ATL2: variants seen among roughly 807,000 people sequenced by gnomAD.
The protein encoded by ATL2 is atlastin-2.
A neutral mutation model predicts 73.9 loss-of-function variants in ATL2; 31 were observed. That is an observed-to-expected ratio of 0.42 (90% CI 0.32 to 0.57). The LOEUF (loss-of-function observed/expected upper bound fraction) is 0.57, where lower values mean the gene tolerates loss of function less well. ATL2 is among the 20% of genes least tolerant of loss of function. ATL2 has a pLI of 0.14. For synonymous variants in ATL2, 291 were observed against 237.5 expected (o/e 1.23, Z -2.07); for missense variants, 738 against 702.6 (o/e 1.05, Z -0.57).
intron 12 of ATL2, chr2:38,296,429 C>A: frequency 6.4e-7 from 1 of 1,556,118 alleles, no homozygotes; most frequent in Non-Finnish European, 8.7e-7. Flanking sequence ...TGCTTATTGT[C>A]CTACATGTGT....
At chr2:38,328,527 C>T (rs939700635) in intron 2 of ATL2, among the ~76,000 whole-genome samples, 5 of 152,098 alleles carry the variant, frequency 3.3e-5, no homozygotes, top group African/African-American at 1.2e-4. Flanking sequence ...AACAGAAACA[C>T]AGCTGGAAAA....
chr2:38,299,189 T>C, intron 11 of ATL2, 67 bp downstream of exon 11: 1 of 1,387,426 alleles, frequency 7.2e-7, no homozygotes, highest in Non-Finnish European at 9.4e-7. Context: ...AAAATTTTTT[T>C]AATTTTTTTT....
At chr2:38,366,839 G>A (rs1671357130) in intron 1 of ATL2, among the ~76,000 whole-genome samples, 1 of 152,092 alleles carries the variant, frequency 6.6e-6, no homozygotes, top group Middle Eastern at 3.2e-3. Flanking sequence ...AGGGAAAAAA[G>A]CTAATTATTT....
At chr2:38,356,673 C>A (rs1033696671) in intron 1 of ATL2, among the ~76,000 whole-genome samples, 1 of 152,138 alleles carries the variant, frequency 6.6e-6, no homozygotes, top group Non-Finnish European at 1.5e-5. Context: ...ATAACCAAAT[C>A]AAATATTAAT....
At chr2:38,356,228 T>C (rs1175933010) in intron 1 of ATL2, among the ~76,000 whole-genome samples, 1 of 151,824 alleles carries the variant, frequency 6.6e-6, no homozygotes, top group African/African-American at 2.4e-5. Context: ...TTCTTTTTTC[T>C]TTTTTTTGAG....
At chr2:38,361,083 G>A (rs920206510) in intron 1 of ATL2, among the ~76,000 whole-genome samples, 1 of 152,138 alleles carries the variant, frequency 6.6e-6, no homozygotes, top group Non-Finnish European at 1.5e-5. Context: ...GCCAGGCGCG[G>A]TGGCTCATGC....
At chr2:38,306,995 A>G (rs1194663291) in intron 9 of ATL2, among the ~76,000 whole-genome samples, 1 of 152,206 alleles carries the variant, frequency 6.6e-6, no homozygotes, top group Admixed American at 6.5e-5. Flanking sequence ...ATCTCTAGCC[A>G]TATACAAAAA....
At chr2:38,377,357 C>T, upstream of ATL2, 1 of 1,007,590 alleles carries the variant, frequency 9.9e-7, no homozygotes, top group Non-Finnish European at 1.4e-6. Context: ...CGGGTCCTAG[C>T]GCCGCTCTCC....
chr2:38,298,146 G>C lies in ATL2; in HGVS notation c.1630C>G (p.Gln544Glu). ...AAAACCAAAAGATAGATACCAACCT[G>C]TTCCCATAGTGTTTCAGCAATCTGA... The part of the protein sequence containing the change: ...IDQIAETLWE[Q>E]VLKPLGDNLM... The change falls in exon 12 of 13, where the codon CAG becomes GAG. Residue 544 changes from glutamine (Q) to glutamate (E), a missense_variant and splice_region_variant. Gln to Glu is a conservative substitution (Grantham distance 29). Coordinates refer to ENST00000378954, the MANE Select transcript of ATL2 (RefSeq NM_001135673.4). The C allele has an allele frequency of 6.2e-7, 1 of 1,610,052 alleles. No individual in the cohort carries two copies. Among genetic ancestry groups the C allele is most frequent in the East Asian group, 2.2e-5 (1 of 44,804 alleles).
chr2:38,377,299 A>T, upstream of ATL2: 1 of 1,436,878 alleles, frequency 7.0e-7, no homozygotes, highest in Non-Finnish European at 9.4e-7. Flanking sequence ...CTGACGTCAA[A>T]CGCCGCCGCC....
At chr2:38,343,069 G>C (rs373088815) in intron 2 of ATL2, among the ~76,000 whole-genome samples, 199 bp downstream of exon 2, 1 of 142,172 alleles carries the variant, frequency 7.0e-6, no homozygotes, top group Non-Finnish European at 1.5e-5. Context: ...GATTGCTTGA[G>C]ATTGGGAGGT....
intron 7 of ATL2, 92 bp from the exon 8 acceptor site, chr2:38,310,539 C>T (rs2148421130): frequency 9.3e-7 from 1 of 1,074,892 alleles, no homozygotes; most frequent in East Asian, 2.8e-5. Flanking sequence ...ACACTATGCA[C>T]ACTTAACTCA....
At chr2:38,376,234 A>C (rs1393492168) in intron 1 of ATL2, 6 of 1,469,952 alleles carry the variant, frequency 4.1e-6, no homozygotes, top group Non-Finnish European at 5.4e-6. Context: ...TGAGAGATCA[A>C]ACGCTAAACT....
chr2:38,314,573 G>C (rs745698507), intron 6 of ATL2, 35 bp downstream of exon 6: 1 of 1,492,504 alleles, frequency 6.7e-7, no homozygotes, highest in South Asian at 1.1e-5. Context: ...ACTTCTCATA[G>C]GCTAATCTTT....
intron 4 of ATL2, 97 bp from the exon 5 acceptor site, chr2:38,315,431 T>C (rs12712583): frequency 0.42 from 538,522 of 1,280,198 alleles, 118,787 homozygotes; most frequent in African/African-American, 0.76. Context: ...TTATTTTGTA[T>C]CTCAGCGCAA....
At chr2:38,361,303 G>A (rs1027158782) in intron 1 of ATL2, among the ~76,000 whole-genome samples, 4 of 145,320 alleles carry the variant, frequency 2.8e-5, no homozygotes, top group East Asian at 2.0e-4. Context: ...GCAGCGAGCC[G>A]AGATCGCGCC....
At chr2:38,361,861 G>C (rs1671035386) in intron 1 of ATL2, among the ~76,000 whole-genome samples, 1 of 152,156 alleles carries the variant, frequency 6.6e-6, no homozygotes, top group Non-Finnish European at 1.5e-5. Context: ...AGGAAATGTG[G>C]ATCTTCGAAG....
chr2:38,306,725 AG>A (rs1377645856), intron 9 of ATL2, among the ~76,000 whole-genome samples: 1 of 152,206 alleles, frequency 6.6e-6, no homozygotes, highest in Non-Finnish European at 1.5e-5. Context: ...AATCCTCAAA[AG>A]GTACAGAAGA....
At chr2:38,300,880 GAAAAAAAA>G (rs60232727) in intron 9 of ATL2, among the ~76,000 whole-genome samples, 1 of 103,448 alleles carries the variant, frequency 9.7e-6, no homozygotes, top group African/African-American at 3.2e-5. Flanking sequence ...GCTCAAGAAG[GAAAAAAAA>G]AAAAAAAACT....
Sources: gnomAD v4.1 joint callset for allele counts (sites outside exome capture counted in the v4.1 genomes callset) on GRCh38, gnomAD v4.1.1 for gene constraint, MANE v1.5 for transcripts, NCBI Gene and HGNC (gene_info 2026-07-23, HGNC 2026-07-21) for gene names.